Variants in PCDHGB4 observed in about 807,000 individuals in gnomAD.
PCDHGB4 encodes the protein protocadherin gamma-B4.
Under a neutral mutation model 60.5 loss-of-function variants are expected in PCDHGB4, and 38 were observed. That is an observed-to-expected ratio of 0.63 (90% CI 0.48 to 0.82). The LOEUF (loss-of-function observed/expected upper bound fraction) is 0.82. Among genes scored for constraint, PCDHGB4 ranks in the 40% least tolerant of loss-of-function variants. PCDHGB4 has a pLI of 0.00. For missense variants in PCDHGB4, 1,109 were observed against 1,209.6 expected (o/e 0.92, Z 1.23); for synonymous variants, 456 against 509.7 (o/e 0.89, Z 1.42).
chr5:141,438,450 A>G (rs1017249043), intron 1 of PCDHGB4, among the ~76,000 whole-genome samples: 32 of 151,738 alleles, frequency 2.1e-4, no homozygotes, highest in African/African-American at 7.5e-4. Flanking sequence ...ACTCAATACA[A>G]TGCTTGAGTT....
At chr5:141,428,020 C>A (rs1443722620) in intron 1 of PCDHGB4, 1 of 1,605,408 alleles carries the variant, frequency 6.2e-7, no homozygotes, top group Admixed American at 1.7e-5. Context: ...GTGCCACGCG[C>A]CGCAGAGTCC....
intron 1 of PCDHGB4, among the ~76,000 whole-genome samples, chr5:141,425,103 A>G (rs894147422): frequency 1.3e-5 from 2 of 152,202 alleles, no homozygotes; most frequent in Non-Finnish European, 2.9e-5. Flanking sequence ...CTTCCAACAG[A>G]TGCCTACATT....
chr5:141,463,653 G>A (rs1378583183), intron 1 of PCDHGB4, among the ~76,000 whole-genome samples: 2 of 151,764 alleles, frequency 1.3e-5, no homozygotes, highest in Admixed American at 6.6e-5. Context: ...GGGTTTCACC[G>A]TGTTAGCCAG....
intron 1 of PCDHGB4, chr5:141,424,481 G>A (rs1397559058): frequency 6.6e-6 from 1 of 152,056 alleles, no homozygotes; most frequent in Non-Finnish European, 1.5e-5. Flanking sequence ...TTACTTTGGT[G>A]TCTGTGTTTG....
chr5:141,396,870 A>G (rs536206475), intron 1 of PCDHGB4, among the ~76,000 whole-genome samples: 3 of 152,328 alleles, frequency 2.0e-5, no homozygotes, highest in African/African-American at 7.2e-5. Flanking sequence ...TACCATTTGG[A>G]TGCACATTTG....
chr5:141,429,073 C>CTCGATT (rs1202357717), intron 1 of PCDHGB4: 1 of 152,116 alleles, frequency 6.6e-6, no homozygotes, highest in African/African-American at 2.4e-5. Context: ...CCAGGATGGT[C>CTCGATT]TCGATTTCCT....
intron 1 of PCDHGB4, chr5:141,392,382 T>A (rs1463242705): frequency 6.5e-6 from 1 of 154,612 alleles, no homozygotes; most frequent in Non-Finnish European, 1.4e-5. Context: ...TCTGATCTAA[T>A]CTGATCATTT....
intron 1 of PCDHGB4, among the ~76,000 whole-genome samples, chr5:141,433,948 T>C (rs1473404279): frequency 2.0e-5 from 3 of 152,234 alleles, no homozygotes; most frequent in Non-Finnish European, 4.4e-5. Context: ...CATTGTTTCT[T>C]CTACAGTTGT....
At position 141,489,257 on chromosome 5, in the gene PCDHGB4, T is replaced by TC. The variant is rs773157586; in HGVS notation, c.2398-5547dup. The stretch of plus-strand genomic sequence containing the variant: ...TTCTGGGTCATGGGGCCCAAGACAC[T>TC]CCCACAGCTCGCTGGGAAATGGCAA... On this transcript the variant is annotated intron_variant, in intron 1 of 3. Coordinates refer to ENST00000519479, the MANE Select transcript of PCDHGB4 (RefSeq NM_003736.4). The surrounding 1 kb of genome is among the most constrained non-coding windows in gnomAD (Gnocchi z 4.5). 1 of 1,550,308 alleles carries TC rather than the reference T, an allele frequency of 6.5e-7. No homozygotes were observed. Among genetic ancestry groups the TC allele is most frequent in the Non-Finnish European group, 8.7e-7 (1 of 1,148,342 alleles).
intron 1 of PCDHGB4, chr5:141,399,208 C>G: frequency 6.2e-7 from 1 of 1,613,958 alleles, no homozygotes; most frequent in Non-Finnish European, 8.5e-7. Context: ...GCCTGGAACA[C>G]TAATTGCTTT....
intron 1 of PCDHGB4, chr5:141,420,275 G>A: frequency 1.3e-6 from 2 of 1,524,576 alleles, no homozygotes; most frequent in Non-Finnish European, 1.8e-6. Flanking sequence ...TCTTAAACAG[G>A]TAAGTATTTA....
chr5:141,455,905 T>TTATG (rs2098836561), intron 1 of PCDHGB4, among the ~76,000 whole-genome samples: 1 of 148,340 alleles, frequency 6.7e-6, no homozygotes, highest in Admixed American at 6.7e-5. Flanking sequence ...ATTTATTTAT[T>TTATG]TATTTATTTT....
At chr5:141,412,922 A>G in intron 1 of PCDHGB4, 1 of 420,478 alleles carries the variant, frequency 2.4e-6, no homozygotes, top group Non-Finnish European at 4.2e-6. Flanking sequence ...ACTTGGGTGC[A>G]GTAACTTCTT....
intron 1 of PCDHGB4, among the ~76,000 whole-genome samples, chr5:141,474,102 AAAC>A (rs909174523): frequency 2.6e-4 from 40 of 152,286 alleles, no homozygotes; most frequent in African/African-American, 8.7e-4. Flanking sequence ...ACAACAACAA[AAAC>A]AACAACAACG....
In PCDHGB4 at chr5:141,490,889, T is replaced by G. The variant is rs568838001; in HGVS notation, c.2398-3918T>G. The G allele has an allele frequency of 6.2e-7, 1 of 1,613,406 alleles. No homozygotes were observed. Among genetic ancestry groups the G allele is most frequent in the Non-Finnish European group, 8.5e-7 (1 of 1,179,428 alleles). ...CCCCCATTGCATGCCAACACATCTCTGCATGTGTTTGTCCTAGACGAGAAT... is the reference window on the plus strand; with the variant it reads ...CCCCCATTGCATGCCAACACATCTCGGCATGTGTTTGTCCTAGACGAGAAT... On this transcript the variant is annotated intron_variant, in intron 1 of 3. Coordinates refer to ENST00000519479, the MANE Select transcript of PCDHGB4 (RefSeq NM_003736.4). This position sits in a 1 kb window ranked among gnomAD's most constrained non-coding sequence, Gnocchi z 5.4.
chr5:141,389,331 G>A lies in PCDHGB4; in HGVS notation c.1447G>A (p.Gly483Ser), dbSNP rs1212558688. Residue 483 changes from glycine to serine, a missense_variant, in exon 1 of 4, where the codon GGC (glycine) becomes AGC (serine). Physicochemically the swap from Gly to Ser is moderately conservative, Grantham distance 56. This residue lies in a region of PCDHGB4 where 1,068 missense variants were observed against 1,089.9 expected (regional missense o/e 0.98). Transcript: ENST00000519479. ...RASDPDLGPNGQVSYCIMASD... is the reference protein window; with the variant it reads ...RASDPDLGPNSQVSYCIMASD... ...TTCTGATCCGGACTTGGGGCCCAAC[G>A]GCCAAGTCTCTTACTGCATCATGGC... 15 of 1,613,986 alleles carry A rather than the reference G, an allele frequency of 9.3e-6. No homozygotes were observed. Among genetic ancestry groups the A allele is most frequent in the Middle Eastern group, 1.6e-4 (1 of 6,062 alleles).
At position 141,404,735 on chromosome 5, in the gene PCDHGB4, G is replaced by A. The variant is rs2094561317; in HGVS notation, c.2397+14454G>A. The stretch of plus-strand genomic sequence containing the variant: ...CCTGGTGACCAAGGTGGTGGCAGTG[G>A]ACAGAGACTCAGGCCAGAATGCTTG... On this transcript the variant is annotated intron_variant, in intron 1 of 3. Transcript: ENST00000519479. 6.2e-7 allele frequency: 1 copy of A among 1,614,014 alleles called. No homozygotes were observed. The highest frequency in any genetic ancestry group is 8.5e-7 in the Non-Finnish European group (1 of 1,180,032).
intron 1 of PCDHGB4, among the ~76,000 whole-genome samples, chr5:141,492,103 T>G (rs1458656062): frequency 6.6e-6 from 1 of 152,134 alleles, no homozygotes; most frequent in Non-Finnish European, 1.5e-5. Flanking sequence ...GTCTGTAGAT[T>G]TCCTCTTCGA....
At chr5:141,410,260 T>C in intron 1 of PCDHGB4, 1 of 1,614,054 alleles carries the variant, frequency 6.2e-7, no homozygotes, top group Non-Finnish European at 8.5e-7. Context: ...ACCCCCAGGC[T>C]GAACTGCAGT....
Sources: allele counts gnomAD v4.1 joint callset (sites outside exome capture counted in the v4.1 genomes callset), GRCh38; gene constraint gnomAD v4.1.1; regional missense constraint gnomAD v4.1.1; non-coding constraint Gnocchi (gnomAD v3.1); transcripts MANE v1.5; gene names NCBI Gene and HGNC (gene_info 2026-07-23, HGNC 2026-07-21).